The following PWWP2B variants were observed in gnomAD, a reference collection of about 807,000 sequenced individuals.
PWWP2B encodes the protein PWWP domain-containing protein 2B.
A neutral mutation model predicts 15.5 loss-of-function variants in PWWP2B; 9 were observed. The ratio of observed to expected loss-of-function variants is 0.58; its 90% confidence interval spans 0.35 to 1.02. The LOEUF (loss-of-function observed/expected upper bound fraction) is 1.02. PWWP2B is among the 50% of genes least tolerant of loss of function. The probability of loss-of-function intolerance (pLI) is 0.02; values close to 1 mark genes in which losing one functional copy is unlikely to be tolerated. For missense variants in PWWP2B, 864 were observed against 865.3 expected (o/e 1.00, Z 0.02); for synonymous variants, 474 against 403.6 (o/e 1.17, Z -2.09).
intron 1 of PWWP2B, among the ~76,000 whole-genome samples, chr10:132,397,779 G>GC (rs2069557966): frequency 6.6e-6 from 1 of 152,224 alleles, no homozygotes; most frequent in African/African-American, 2.4e-5. Context: ...AAGGCCACGG[G>GC]CCCCTGGCTG....
chr10:132,415,701 T>A (rs200011915), intron 2 of PWWP2B, among the ~76,000 whole-genome samples: 5 of 126,836 alleles, frequency 3.9e-5, no homozygotes, highest in South Asian at 2.4e-4. Flanking sequence ...ACATGCACTC[T>A]CACACACATC....
intron 2 of PWWP2B, among the ~76,000 whole-genome samples, chr10:132,413,700 C>T (rs1219358043): frequency 6.6e-6 from 1 of 152,240 alleles, no homozygotes; most frequent in African/African-American, 2.4e-5. Flanking sequence ...CTAAGCAGGC[C>T]CCACGCCGGC....
At position 132,406,273 on chromosome 10, in the gene PWWP2B, AC is replaced by A; in HGVS notation, c.*1del. The A allele has an allele frequency of 6.2e-7, 1 of 1,605,714 alleles. No individual in the cohort carries two copies. The highest frequency in any genetic ancestry group is 8.5e-7 in the Non-Finnish European group (1 of 1,174,714). ...AGCTCTTAACCCAGTTTGAAACGTA[AC>A]TGGTTCCCTGACCAGGTGAGTGTGC... is the stretch of plus-strand genomic sequence containing the variant. On this transcript the variant is annotated 3_prime_UTR_variant, in exon 2 of 3. Coordinates refer to ENST00000305233, the MANE Select transcript of PWWP2B (RefSeq NM_138499.4).
At position 132,405,803 on chromosome 10, in the gene PWWP2B, G is replaced by A. The variant is rs777418227; in HGVS notation, c.1303G>A (p.Gly435Ser). 10 of 1,607,768 alleles carry A rather than the reference G, an allele frequency of 6.2e-6. No individual in the cohort carries two copies. The highest frequency in any genetic ancestry group is 1.1e-5 in the South Asian group (1 of 91,072). ...SDSLDEARSS[G>S]SEGTPADTGD... is the part of the protein sequence containing the mutation. ...CAGCCTGGACGAGGCCAGATCGTCC[G>A]GCTCGGAAGGGACGCCGGCAGACAC... Residue 435 changes from glycine (G) to serine (S), a missense_variant, in exon 2 of 3, where the codon GGC becomes AGC. This residue lies in a region of PWWP2B where 736 missense variants were observed against 687.7 expected (regional missense o/e 1.07). Transcript: ENST00000305233.
chr10:132,397,848 G>C (rs529176838), intron 1 of PWWP2B, among the ~76,000 whole-genome samples: 1 of 152,218 alleles, frequency 6.6e-6, no homozygotes, highest in Admixed American at 6.5e-5. Flanking sequence ...GCCCAGCTGT[G>C]CGATTTAAGA....
chr10:132,405,535 C>G lies in PWWP2B; in HGVS notation c.1035C>G (p.His345Gln). 2 of 1,603,668 alleles carry G rather than the reference C, an allele frequency of 1.2e-6. No homozygotes were observed. Among genetic ancestry groups the G allele is most frequent in the East Asian group, 2.2e-5 (1 of 44,830 alleles). The change falls in exon 2 of 3, where the codon CAC (histidine) becomes CAG (glutamine). Residue 345 changes from histidine to glutamine, a missense_variant. Transcript: ENST00000305233. ...CCCACCGTCTGGGGGACAGCGAGCA[C>G]GAGCCCGTGTACCGGGCCGAGCTGG... ...LKPHRLGDSEHEPVYRAELVG... is the reference protein window; with the variant it reads ...LKPHRLGDSEQEPVYRAELVG...
Position 132,405,490 on chromosome 10 carries a change from C to T in PWWP2B, c.990C>T (p.Pro330=), listed in dbSNP as rs375711004. ...TGCCGGCCGGCGCGGACCTGCCGCC[C>T]CCTAAGATCCGCCTGAAGCCCCACC... ...RPVPAGADLP[P]PKIRLKPHRL... is the part of the protein sequence containing the mutation. The change falls in exon 2 of 3, where the codon CCC becomes CCT. Residue 330 remains proline, a synonymous_variant. Transcript: ENST00000305233. The T allele has an allele frequency of 4.1e-5, 66 of 1,604,194 alleles. No individual in the cohort carries two copies. In the Middle Eastern group the frequency reaches 9.9e-4, roughly 24 times the overall value.
chr10:132,397,279 A>C lies in PWWP2B; in HGVS notation c.53A>C (p.Asn18Thr). The C allele has an allele frequency of 7.1e-7, 1 of 1,406,164 alleles. No homozygotes were observed. The highest frequency in any genetic ancestry group is 9.3e-7 in the Non-Finnish European group (1 of 1,069,614). The allele number at this position is 1,406,164 out of a possible 1,614,324, so 87.1% of individuals were successfully genotyped here. A position where few individuals can be genotyped will look rare whatever the true frequency, so the allele number is the denominator to read the frequency against. Residue 18 changes from asparagine (N) to threonine (T), a missense_variant, in exon 1 of 3, where the codon AAC becomes ACC. This residue lies in a region of PWWP2B where 736 missense variants were observed against 687.7 expected (regional missense o/e 1.07). Coordinates refer to ENST00000305233, the MANE Select transcript of PWWP2B (RefSeq NM_138499.4). The part of the protein sequence containing the change: ...RLPVRVEQVV[N>T]GALVVTVSCG... ...CCGGTGCGGGTGGAGCAGGTCGTCA[A>C]CGGCGCGCTGGTGGTCACGGTGAGC...
chr10:132,404,899 G>C lies in PWWP2B; in HGVS notation c.399G>C (p.Arg133=). The C allele has an allele frequency of 3.8e-6, 6 of 1,595,370 alleles. No individual in the cohort carries two copies. Among genetic ancestry groups the C allele is most frequent in the Non-Finnish European group, 5.1e-6 (6 of 1,178,380 alleles). The change falls in exon 2 of 3, where the codon CGG becomes CGC. Residue 133 remains arginine (R), a synonymous_variant. Coordinates refer to ENST00000305233, the MANE Select transcript of PWWP2B (RefSeq NM_138499.4). ...CCTTCCCTCACCCGCTGTGGCTCCG[G>C]GACACGTACAAGCTGTGGGTGCCCC... ...GAPFPHPLWL[R]DTYKLWVPQP...
At chr10:132,397,374 A>G in intron 1 of PWWP2B, 23 bp downstream of exon 1, 2 of 1,247,810 alleles carry the variant, frequency 1.6e-6, no homozygotes, top group South Asian at 2.7e-5. Flanking sequence ...GCGGGCCGGG[A>G]CACCCCCGGG....
chr10:132,400,679 C>T (rs1447848246), intron 1 of PWWP2B, among the ~76,000 whole-genome samples: 2 of 152,214 alleles, frequency 1.3e-5, no homozygotes, highest in East Asian at 3.9e-4. Flanking sequence ...GTCTGCAGGG[C>T]TACAGGGAGA....
At chr10:132,401,033 C>A (rs2069608313) in intron 1 of PWWP2B, among the ~76,000 whole-genome samples, 1 of 152,248 alleles carries the variant, frequency 6.6e-6, no homozygotes, top group African/African-American at 2.4e-5. Context: ...TGGTCCCGGG[C>A]AGACCTCAGG....
rs185643565 is a variant in PWWP2B at position 132,414,403 on chromosome 10, G to A, written c.*17-2658G>A. ...TTGAGCCTCTTTCGAATCCTAAAAT[G>A]CTGCATTAGAAGGGATGGACGAAGC... On this transcript the variant is annotated intron_variant, in intron 2 of 2. Coordinates refer to ENST00000305233, the MANE Select transcript of PWWP2B (RefSeq NM_138499.4). Among the ~76,000 whole-genome samples the A allele has an allele frequency of 1.3e-3, 200 of 152,338 alleles. 6 individuals carry two copies. Among genetic ancestry groups the A allele is most frequent in the Non-Finnish European group, 6.9e-4 (47 of 68,026 alleles).
At position 132,417,209 on chromosome 10, in the gene PWWP2B, A is replaced by G. The variant is rs2069871385; in HGVS notation, c.*165A>G. 1 of 1,010,660 alleles carries G rather than the reference A, an allele frequency of 9.9e-7. No homozygotes were observed. Among genetic ancestry groups the G allele is most frequent in the South Asian group, 1.3e-5 (1 of 76,842 alleles). The allele number at this position is 1,010,660 out of a possible 1,614,324, so 62.6% of individuals were successfully genotyped here. A position where few individuals can be genotyped will look rare whatever the true frequency, so the allele number is the denominator to read the frequency against. On this transcript the variant is annotated 3_prime_UTR_variant, in exon 3 of 3. Coordinates refer to ENST00000305233, the MANE Select transcript of PWWP2B (RefSeq NM_138499.4). ...CCCCCCGGGGACCGGCAGTGTGTCC[A>G]GGGAGGGGATGGCCCTGAGCCCAGC...
chr10:132,404,689 C>T lies in PWWP2B; in HGVS notation c.189C>T (p.Asn63=), dbSNP rs541745809. ...CCCAGGTCGATGAGTCCCCTGTCAACGACAGCCATGGCCGGGCTCCCGAGG... is the reference window on the plus strand; with the variant it reads ...CCCAGGTCGATGAGTCCCCTGTCAATGACAGCCATGGCCGGGCTCCCGAGG... ...PLPQVDESPV[N]DSHGRAPEEG... Residue 63 remains asparagine (N), a synonymous_variant, in exon 2 of 3, where the codon AAC becomes AAT. Coordinates refer to ENST00000305233, the MANE Select transcript of PWWP2B (RefSeq NM_138499.4). The T allele has an allele frequency of 7.8e-4, 1,262 of 1,612,648 alleles. 16 individuals are homozygous for T. In the South Asian group the frequency reaches 0.013, roughly 16 times the overall value.
At chr10:132,411,625 C>T (rs868227878) in intron 2 of PWWP2B, among the ~76,000 whole-genome samples, 1 of 152,230 alleles carries the variant, frequency 6.6e-6, no homozygotes, top group Non-Finnish European at 1.5e-5. Context: ...CCGCTTCCGA[C>T]CTTCAGCTTC....
At chr10:132,397,412 C>T (rs2069551934) in intron 1 of PWWP2B, 61 bp downstream of exon 1, 1 of 1,159,496 alleles carries the variant, frequency 8.6e-7, no homozygotes. Context: ...GCCTCCGCCG[C>T]CCGGAGACCC....
rs74876886 is a variant in PWWP2B, at chr10:132,414,948, C to A, written c.*17-2113C>A. Among the ~76,000 whole-genome samples the A allele has an allele frequency of 2.1e-3, 314 of 152,250 alleles. 2 individuals carry two copies. The East Asian group carries it at 0.035, about 17-fold the overall frequency. The stretch of plus-strand genomic sequence containing the variant: ...GGCCTCCGAGAGCCTCCTGCTCCCC[C>A]TGGGACGTGAATGGGAGATGGTCCA... On this transcript the variant is annotated intron_variant, in intron 2 of 2. Transcript: ENST00000305233.
chr10:132,408,722 C>CTG, intron 2 of PWWP2B, among the ~76,000 whole-genome samples: 1 of 152,240 alleles, frequency 6.6e-6, no homozygotes, highest in Non-Finnish European at 1.5e-5. Context: ...ACCGCAGGCA[C>CTG]CACGAGATCG....
Sources: allele counts gnomAD v4.1 joint callset (sites outside exome capture counted in the v4.1 genomes callset), GRCh38; gene constraint gnomAD v4.1.1; regional missense constraint gnomAD v4.1.1; transcripts MANE v1.5; gene names NCBI Gene and HGNC (gene_info 2026-07-23, HGNC 2026-07-21).